TOMM40: variants seen among roughly 807,000 people sequenced by gnomAD.
TOMM40 encodes the protein translocase of outer mitochondrial membrane 40.
In TOMM40, 9 loss-of-function variants were observed where a neutral mutation model predicts 38.4. The observed-to-expected ratio is 0.23, with a 90% CI of 0.14 to 0.41. TOMM40 has a LOEUF of 0.41. TOMM40 is among the 10% of genes least tolerant of loss of function. TOMM40 has a pLI of 1.00. For synonymous variants in TOMM40, 184 were observed against 210.0 expected, an observed-to-expected ratio of 0.88 and a Z score of 1.07; for missense variants, 299 against 486.5, an observed-to-expected ratio of 0.61 and a Z score of 3.63.
intron 5 of TOMM40, among the ~76,000 whole-genome samples, chr19:44,898,170 C>T (rs1969603487): frequency 1.3e-5 from 2 of 152,200 alleles, no homozygotes; most frequent in African/African-American, 2.4e-5. Flanking sequence ...CTCCACCCAG[C>T]CATGCCTGCA....
chr19:44,893,112 A>T (rs1599935736), intron 3 of TOMM40, among the ~76,000 whole-genome samples, 183 bp downstream of exon 3: 2 of 151,892 alleles, frequency 1.3e-5, no homozygotes, highest in South Asian at 4.2e-4. Context: ...CATCCGCCAA[A>T]CCCCTGCTCT....
intron 2 of TOMM40, 56 bp downstream of exon 2, chr19:44,892,516 T>A: frequency 6.5e-7 from 1 of 1,527,550 alleles, no homozygotes; most frequent in Non-Finnish European, 9.1e-7. Flanking sequence ...TCCCCCTCCC[T>A]GCATCTGCAC....
chr19:44,903,460 G>A lies in TOMM40; in HGVS notation c.*291G>A, dbSNP rs1027322617. 14 of 329,946 alleles carry A rather than the reference G, an allele frequency of 4.2e-5. No individual in the cohort carries two copies. The highest frequency in any genetic ancestry group is 7.3e-5 in the Non-Finnish European group (13 of 177,286). 20.4% of individuals were successfully genotyped at this position (329,946 alleles called of 1,614,324 possible). On this transcript the variant is annotated 3_prime_UTR_variant, in exon 9 of 9. Coordinates refer to ENST00000426677, the MANE Select transcript of TOMM40 (RefSeq NM_001128917.2). Reference sequence around the variant, plus strand: ...GATTCTGAGCACCAGGGGCAGAGGCGGCCAGACAACCTCAGGGAGGAGTGT... The same window carrying A: ...GATTCTGAGCACCAGGGGCAGAGGCAGCCAGACAACCTCAGGGAGGAGTGT...
In TOMM40 at chr19:44,894,013, C is replaced by G. The variant is rs1228564218; in HGVS notation, c.590C>G (p.Ser197Cys). Residue 197 changes from serine to cysteine, a missense_variant, in exon 5 of 9, where the codon TCT becomes TGT. Transcript: ENST00000426677. ...CAGGTGGACGGGGAGTATCGGGGCT[C>G]TGACTTCACAGCAGCCGTCACCCTG... ...NWQVDGEYRG[S>C]DFTAAVTLGN... The G allele has an allele frequency of 1.9e-6, 3 of 1,543,566 alleles. No individual in the cohort carries two copies. The highest frequency in any genetic ancestry group is 2.6e-6 in the Non-Finnish European group (3 of 1,141,946).
At chr19:44,892,790 G>A (rs778892431) in intron 2 of TOMM40, 47 bp from the exon 3 acceptor site, 1 of 1,509,768 alleles carries the variant, frequency 6.6e-7, no homozygotes, top group Non-Finnish European at 9.2e-7. Flanking sequence ...TCTTCAGTGG[G>A]CAAGCCTATC....
chr19:44,900,159 C>T (rs1969652196), intron 5 of TOMM40, among the ~76,000 whole-genome samples: 1 of 152,174 alleles, frequency 6.6e-6, no homozygotes, highest in South Asian at 2.1e-4. Context: ...GGAACGCAGA[C>T]TTGGACCTCA....
chr19:44,894,008 G>C lies in TOMM40; in HGVS notation c.585G>C (p.Arg195=). The part of the protein sequence containing the change: ...FVNWQVDGEY[R]GSDFTAAVTL... The stretch of plus-strand genomic sequence containing the variant: ...ACTGGCAGGTGGACGGGGAGTATCG[G>C]GGCTCTGACTTCACAGCAGCCGTCA... The change falls in exon 5 of 9, where the codon CGG becomes CGC. Residue 195 remains arginine (R), a synonymous_variant. Transcript: ENST00000426677. 1 of 1,545,556 alleles carries C rather than the reference G, an allele frequency of 6.5e-7. No individual in the cohort carries two copies.
At position 44,891,487 on chromosome 19, in the gene TOMM40, G is replaced by T; in HGVS notation, c.72G>T (p.Gly24=). The change falls in exon 1 of 9, where the codon GGG becomes GGT. Residue 24 remains glycine (G), a synonymous_variant. Coordinates refer to ENST00000426677, the MANE Select transcript of TOMM40 (RefSeq NM_001128917.2). ...CGCCGCCTGCGCCGGCCCTCGTGGG[G>T]CTGCCGCCACCTCCGCCCTCGCCGC... is the stretch of plus-strand genomic sequence containing the variant. ...PPPPPAPALV[G]LPPPPPSPPG... 1 of 1,354,960 alleles carries T rather than the reference G, an allele frequency of 7.4e-7. No homozygotes were observed. The highest frequency in any genetic ancestry group is 1.8e-5 in the South Asian group (1 of 55,328). The allele number at this position is 1,354,960 out of a possible 1,614,324, so 83.9% of individuals were successfully genotyped here.
intron 5 of TOMM40, among the ~76,000 whole-genome samples, chr19:44,895,018 G>A (rs1295286021): frequency 6.6e-6 from 1 of 152,166 alleles, no homozygotes; most frequent in African/African-American, 2.4e-5. Flanking sequence ...GGATGGAGGC[G>A]ATGACTCTGT....
chr19:44,893,827 C>A lies in TOMM40; in HGVS notation c.483C>A (p.Asn161Lys). The change falls in exon 4 of 9, where the codon AAC becomes AAA. Residue 161 changes from asparagine to lysine, a missense_variant. Coordinates refer to ENST00000426677, the MANE Select transcript of TOMM40 (RefSeq NM_001128917.2). ...ACATGGACAACAGTGGCAGTCTCAA[C>A]GCTCAGGTCATTCACCAGCTGGGCC... ...VGDMDNSGSL[N>K]AQVIHQLGPG... 6.2e-7 allele frequency: 1 copy of A among 1,612,284 alleles called. No individual in the cohort carries two copies. Among genetic ancestry groups the A allele is most frequent in the Non-Finnish European group, 8.5e-7 (1 of 1,180,028 alleles).
At chr19:44,899,505 T>G (rs1253842901) in intron 5 of TOMM40, among the ~76,000 whole-genome samples, 6 of 152,064 alleles carry the variant, frequency 3.9e-5, no homozygotes, top group Admixed American at 2.0e-4. Context: ...AACTAATTTT[T>G]GTATTCGCTA....
chr19:44,892,937 T>A lies in TOMM40; in HGVS notation c.435+8T>A. The A allele has an allele frequency of 1.9e-6, 3 of 1,605,068 alleles. No homozygotes were observed. The highest frequency in any genetic ancestry group is 2.6e-6 in the Non-Finnish European group (3 of 1,173,004). ...CAGCTGAGTCCCACAGAGGTGAGCT[T>A]CCTTTTTCATCCATTCATTGTATCC... On this transcript the variant is annotated splice_region_variant and intron_variant, in intron 3 of 8. Coordinates refer to ENST00000426677, the MANE Select transcript of TOMM40 (RefSeq NM_001128917.2).
intron 5 of TOMM40, among the ~76,000 whole-genome samples, chr19:44,896,375 C>T (rs569500595): frequency 3.7e-4 from 56 of 152,316 alleles, no homozygotes; most frequent in African/African-American, 1.3e-3. Context: ...CTTCAGTCTC[C>T]TCATCTGTCA....
In TOMM40 at chr19:44,903,154, C is replaced by T. The variant is rs758291525; in HGVS notation, c.1071C>T (p.Gly357=). The T allele has an allele frequency of 1.2e-5, 20 of 1,611,270 alleles. No homozygotes were observed. Among genetic ancestry groups the T allele is most frequent in the Non-Finnish European group, 1.4e-5 (17 of 1,179,580 alleles). The change falls in exon 9 of 9, where the codon GGC becomes GGT. Residue 357 remains glycine (G), a synonymous_variant. Transcript: ENST00000426677. ...HRKNKFQCGF[G]LTIG Reference sequence around the variant, plus strand: ...AGAACAAGTTTCAGTGTGGCTTTGGCCTCACCATCGGCTGAGCCCTCCTGG... The same window carrying T: ...AGAACAAGTTTCAGTGTGGCTTTGGTCTCACCATCGGCTGAGCCCTCCTGG...
Position 44,901,460 on chromosome 19 carries a change from G to A in TOMM40, c.946+150G>A, listed in dbSNP as rs567117117. On this transcript the variant is annotated intron_variant, in intron 8 of 8. Coordinates refer to ENST00000426677, the MANE Select transcript of TOMM40 (RefSeq NM_001128917.2). ...GGGAACACTTGTTAAAAGGTAGGTG[G>A]GGCCGGGTGCGGTGGCTCACGCCTG... 12 of 1,473,868 alleles carry A rather than the reference G, an allele frequency of 8.1e-6. No homozygotes were observed. In the South Asian group the frequency reaches 1.5e-4, roughly 18 times the overall value. 91.3% of individuals were successfully genotyped at this position (1,473,868 alleles called of 1,614,324 possible). A position where few individuals can be genotyped will look rare whatever the true frequency, so the allele number is the denominator to read the frequency against.
chr19:44,903,283 G>GC lies in TOMM40; in HGVS notation c.*114_*115insC, dbSNP rs1441136386. ...CCCTTCCCTCCCCCCTTGGGGGTCG[G>GC]GGGGGACATTGGAAAGGAGGGACCC... On this transcript the variant is annotated 3_prime_UTR_variant, in exon 9 of 9. Transcript: ENST00000426677. 4 of 1,196,948 alleles carry GC rather than the reference G, an allele frequency of 3.3e-6. No individual in the cohort carries two copies. The highest frequency in any genetic ancestry group is 2.3e-6 in the Non-Finnish European group (2 of 878,610). The allele number at this position is 1,196,948 out of a possible 1,614,324, so 74.1% of individuals were successfully genotyped here.
In TOMM40 at chr19:44,891,505, C is replaced by T. The variant is rs1969462276; in HGVS notation, c.90C>T (p.Pro30=). ...PALVGLPPPP[P]SPPGFTLPPL... is the part of the protein sequence containing the mutation. ...TCGTGGGGCTGCCGCCACCTCCGCCCTCGCCGCCGGGCTTCACGCTGCCGC... is the reference window on the plus strand; with the variant it reads ...TCGTGGGGCTGCCGCCACCTCCGCCTTCGCCGCCGGGCTTCACGCTGCCGC... The change falls in exon 1 of 9, where the codon CCC becomes CCT. Residue 30 remains proline (P), a synonymous_variant. Coordinates refer to ENST00000426677, the MANE Select transcript of TOMM40 (RefSeq NM_001128917.2). 1.4e-6 allele frequency: 2 copies of T among 1,390,462 alleles called. No homozygotes were observed. The highest frequency in any genetic ancestry group is 1.9e-6 in the Non-Finnish European group (2 of 1,071,294). 86.1% of individuals were successfully genotyped at this position (1,390,462 alleles called of 1,614,324 possible). A position where few individuals can be genotyped will look rare whatever the true frequency, so the allele number is the denominator to read the frequency against.
In TOMM40 at chr19:44,903,496, C is replaced by A; in HGVS notation, c.*327C>A. ...CTCAGGGAGGAGTGTCCTGGCGTCC[C>A]CATCCTCCAAAGGGCCTGGGCCCGC... On this transcript the variant is annotated 3_prime_UTR_variant, in exon 9 of 9. Transcript: ENST00000426677. 1 of 266,838 alleles carries A rather than the reference C, an allele frequency of 3.7e-6. No individual in the cohort carries two copies. Among genetic ancestry groups the A allele is most frequent in the Non-Finnish European group, 7.2e-6 (1 of 139,026 alleles). The allele number at this position is 266,838 out of a possible 1,614,324, so 16.5% of individuals were successfully genotyped here. A position where few individuals can be genotyped will look rare whatever the true frequency, so the allele number is the denominator to read the frequency against.
intron 5 of TOMM40, among the ~76,000 whole-genome samples, chr19:44,897,031 A>T (rs1177326405): frequency 2.0e-5 from 3 of 152,108 alleles, no homozygotes; most frequent in Non-Finnish European, 4.4e-5. Context: ...TCTGAAGCTG[A>T]GGCCAAGCCA....
Sources: allele counts gnomAD v4.1 joint callset (sites outside exome capture counted in the v4.1 genomes callset), GRCh38; gene constraint gnomAD v4.1.1; transcripts MANE v1.5; gene names NCBI Gene and HGNC (gene_info 2026-07-23, HGNC 2026-07-21).